UVRAG: variants seen among roughly 807,000 people sequenced by gnomAD.
UVRAG encodes UV radiation resistance-associated gene protein.
In UVRAG, 19 loss-of-function variants were observed where a neutral mutation model predicts 78.0. The observed-to-expected ratio is 0.24, with a 90% confidence interval of 0.17 to 0.36. The LOEUF (loss-of-function observed/expected upper bound fraction) is 0.36, where lower values mean the gene tolerates loss of function less well. Among genes scored for constraint, UVRAG ranks in the 10% least tolerant of loss-of-function variants. The probability of loss-of-function intolerance (pLI) is 1.00; values close to 1 mark genes in which losing one functional copy is unlikely to be tolerated. For synonymous variants in UVRAG, 323 were observed against 324.6 expected (o/e 1.00, Z 0.05); for missense variants, 740 against 853.8 (o/e 0.87, Z 1.66).
At chr11:75,830,523 C>T (rs145622839) in intron 1 of UVRAG, among the ~76,000 whole-genome samples, 2,430 of 151,778 alleles carry the variant, frequency 0.016, 82 homozygotes, top group African/African-American at 0.056. Flanking sequence ...CACCCGCCTC[C>T]GCCTCCCAAA....
At chr11:76,011,842 C>G (rs538697656) in intron 11 of UVRAG, among the ~76,000 whole-genome samples, 4 of 152,178 alleles carry the variant, frequency 2.6e-5, no homozygotes, top group Non-Finnish European at 4.4e-5. Flanking sequence ...AATTCATACT[C>G]TGTGTCAGGC....
chr11:76,051,560 T>TA lies in UVRAG; in HGVS notation c.1227-14142dup, dbSNP rs957146748. On this transcript the variant is annotated intron_variant, in intron 12 of 14. Transcript: ENST00000356136. ...TTTCCACAGCCCTGCAACTTACAAG[T>TA]AAAAAAAAGGAGGGGGGATTATTTT... Among the ~76,000 whole-genome samples, 8 of 151,744 alleles carry TA rather than the reference T, an allele frequency of 5.3e-5. No individual in the cohort carries two copies. The South Asian group carries it at 6.3e-4, about 12-fold the overall frequency.
At chr11:75,970,002 G>T (rs978384823) in intron 7 of UVRAG, among the ~76,000 whole-genome samples, 1 of 152,148 alleles carries the variant, frequency 6.6e-6, no homozygotes, top group Non-Finnish European at 1.5e-5. Context: ...CCTTAGGAAG[G>T]AGATAAAAAT....
chr11:76,142,880 CTTTAT>C lies in UVRAG; in HGVS notation c.*1471_*1475del, dbSNP rs1952747827. On this transcript the variant is annotated 3_prime_UTR_variant, in exon 15 of 15. Coordinates refer to ENST00000356136, the MANE Select transcript of UVRAG (RefSeq NM_003369.4). ...GCTTCACTCACAGGCCTCACCGTCACTTTATTTTGTGTCCAAGCATTCCTGGGCTC... is the reference window on the plus strand; with the variant it reads ...GCTTCACTCACAGGCCTCACCGTCACTTTGTGTCCAAGCATTCCTGGGCTC... 2 of 152,406 alleles carry C rather than the reference CTTTAT, an allele frequency of 1.3e-5. No homozygotes were observed. 9.4% of individuals were successfully genotyped at this position (152,406 alleles called of 1,614,324 possible). A position where few individuals can be genotyped will look rare whatever the true frequency, so the allele number is the denominator to read the frequency against.
At chr11:76,113,679 G>T (rs1952123946) in intron 13 of UVRAG, among the ~76,000 whole-genome samples, 1 of 151,976 alleles carries the variant, frequency 6.6e-6, no homozygotes, top group Non-Finnish European at 1.5e-5. Context: ...GTAGAATTTG[G>T]AGCTGTTATT....
chr11:76,131,046 T>G (rs1486968608), intron 14 of UVRAG, among the ~76,000 whole-genome samples: 4 of 152,062 alleles, frequency 2.6e-5, no homozygotes, highest in African/African-American at 9.7e-5. Flanking sequence ...TCCTGGCATC[T>G]CTTTCCTGTT....
chr11:75,980,483 T>G (rs1949366980), intron 7 of UVRAG, among the ~76,000 whole-genome samples: 1 of 152,196 alleles, frequency 6.6e-6, no homozygotes, highest in South Asian at 2.1e-4. Flanking sequence ...TATTATCTCT[T>G]TTTCCTACTG....
intron 12 of UVRAG, among the ~76,000 whole-genome samples, chr11:76,025,058 C>T (rs1167956114): frequency 6.6e-6 from 1 of 152,092 alleles, no homozygotes. Context: ...AGAAAAAGAC[C>T]GATTTCTTTT....
intron 3 of UVRAG, among the ~76,000 whole-genome samples, chr11:75,869,764 T>C (rs1946611025): frequency 6.6e-6 from 1 of 152,166 alleles, no homozygotes; most frequent in Admixed American, 6.5e-5. Flanking sequence ...AGAGAGTTTA[T>C]TGTGTTAATA....
intron 1 of UVRAG, among the ~76,000 whole-genome samples, chr11:75,828,794 T>G (rs1227171893): frequency 2.1e-4 from 20 of 93,732 alleles, no homozygotes; most frequent in African/African-American, 8.2e-4. Context: ...TATATATATA[T>G]ATATATATAT....
At chr11:76,134,260 CTTTT>C (rs1180218277) in intron 14 of UVRAG, among the ~76,000 whole-genome samples, 7 of 122,806 alleles carry the variant, frequency 5.7e-5, no homozygotes, top group Admixed American at 1.6e-4. Flanking sequence ...CACACCTGGC[CTTTT>C]TTTTTTTTTT....
At chr11:75,937,619 T>G (rs1273369843) in intron 6 of UVRAG, among the ~76,000 whole-genome samples, 4 of 152,172 alleles carry the variant, frequency 2.6e-5, no homozygotes, top group Non-Finnish European at 5.9e-5. Flanking sequence ...AATCTGTCAT[T>G]CTAGTATCCT....
At chr11:76,000,853 A>G (rs6592618) in intron 8 of UVRAG, among the ~76,000 whole-genome samples, 28,746 of 152,166 alleles carry the variant, frequency 0.19, 4,749 homozygotes, top group African/African-American at 0.44. Context: ...TAGCAATATT[A>G]TTTTAATACA....
At chr11:75,898,818 T>C (rs1320727079) in intron 5 of UVRAG, among the ~76,000 whole-genome samples, 1 of 152,176 alleles carries the variant, frequency 6.6e-6, no homozygotes, top group Non-Finnish European at 1.5e-5. Flanking sequence ...AGTTAAGAGA[T>C]TTCCATGTAG....
In UVRAG at chr11:75,955,671, G is replaced by A. The variant is rs559746557; in HGVS notation, c.594-5773G>A. ...TCCCAACACTGTGGGAGGCTGAGGC[G>A]GAAGGATGGCTTGAGGCCAGGAGTT... On this transcript the variant is annotated intron_variant, in intron 6 of 14. Transcript: ENST00000356136. Among the ~76,000 whole-genome samples the A allele has an allele frequency of 3.9e-5, 6 of 152,254 alleles. 1 individual carries two copies. In the East Asian group the frequency reaches 7.7e-4, roughly 20 times the overall value.
chr11:75,897,991 C>G (rs917976540), intron 5 of UVRAG, among the ~76,000 whole-genome samples: 16 of 150,276 alleles, frequency 1.1e-4, no homozygotes, highest in African/African-American at 3.9e-4. Context: ...CTCTCAGCCT[C>G]CCGAGTGGCT....
chr11:76,058,704 A>G (rs1951027802), intron 12 of UVRAG, among the ~76,000 whole-genome samples: 1 of 152,230 alleles, frequency 6.6e-6, no homozygotes, highest in Admixed American at 6.5e-5. Context: ...CACTACCACC[A>G]GAGCATGAGA....
chr11:75,988,886 T>A (rs1370337638), intron 8 of UVRAG, among the ~76,000 whole-genome samples: 6 of 152,216 alleles, frequency 3.9e-5, no homozygotes. Flanking sequence ...TGTTTAGATC[T>A]TTCATCTGTT....
At chr11:76,099,939 TC>T (rs1283450986) in intron 13 of UVRAG, among the ~76,000 whole-genome samples, 1 of 152,106 alleles carries the variant, frequency 6.6e-6, no homozygotes, top group Non-Finnish European at 1.5e-5. Flanking sequence ...AGACTTTTTT[TC>T]TTACCTAATT....
Sources: gnomAD v4.1 joint callset for allele counts (sites outside exome capture counted in the v4.1 genomes callset) on GRCh38, gnomAD v4.1.1 for gene constraint, MANE v1.5 for transcripts, NCBI Gene and HGNC (gene_info 2026-07-23, HGNC 2026-07-21) for gene names.